CSMD1: variants seen among roughly 807,000 people sequenced by gnomAD.
CSMD1 encodes CUB and sushi domain-containing protein 1.
In CSMD1, 213 loss-of-function variants were observed where a neutral mutation model predicts 417.5. That is an observed-to-expected ratio of 0.51 (90% CI 0.46 to 0.57). The LOEUF is 0.57. Ranked by LOEUF, CSMD1 falls within the 20% of genes least tolerant of loss-of-function variation. CSMD1 has a pLI of 0.00. For synonymous variants in CSMD1, 2,862 were observed against 1,736.8 expected, an observed-to-expected ratio of 1.65 and a Z score of -16.11; for missense variants, 6,923 against 4,529.7, an observed-to-expected ratio of 1.53 and a Z score of -15.17.
chr8:4,551,838 A>G (rs1030064708), intron 2 of CSMD1, among the ~76,000 whole-genome samples: 2 of 149,326 alleles, frequency 1.3e-5, no homozygotes, highest in East Asian at 2.0e-4. Flanking sequence ...GCCACTACAC[A>G]TGGCTAATTT....
intron 8 of CSMD1, among the ~76,000 whole-genome samples, chr8:3,616,083 AG>A (rs1232272538): frequency 6.6e-6 from 1 of 152,200 alleles, no homozygotes; most frequent in African/African-American, 2.4e-5. Context: ...AATAACTATG[AG>A]GAGATAATTA....
intron 3 of CSMD1, among the ~76,000 whole-genome samples, chr8:4,186,470 A>G (rs886773892): frequency 1.7e-4 from 26 of 152,112 alleles, no homozygotes; most frequent in African/African-American, 6.0e-4. Context: ...AAGGATGCTA[A>G]TAAGGAAAAT....
At chr8:3,571,442 G>A (rs752372071) in intron 10 of CSMD1, among the ~76,000 whole-genome samples, 33 of 152,222 alleles carry the variant, frequency 2.2e-4, no homozygotes, top group Non-Finnish European at 3.1e-4. Flanking sequence ...TGAGAATGCA[G>A]TAGAGGCATT....
chr8:4,002,280 T>A (rs1231498269), intron 4 of CSMD1, among the ~76,000 whole-genome samples: 1 of 152,120 alleles, frequency 6.6e-6, no homozygotes, highest in Admixed American at 6.6e-5. Context: ...TGAAAGCACC[T>A]GCTATAGTGC....
chr8:4,960,623 G>A (rs150166835), intron 1 of CSMD1, among the ~76,000 whole-genome samples: 126 of 152,250 alleles, frequency 8.3e-4, no homozygotes, highest in African/African-American at 2.9e-3. Context: ...ATGGGTGCAT[G>A]CATCCATACA....
chr8:3,301,854 C>G (rs1294402289), intron 25 of CSMD1, among the ~76,000 whole-genome samples: 2 of 152,036 alleles, frequency 1.3e-5, no homozygotes, highest in African/African-American at 2.4e-5. Context: ...ACAGGAAAGT[C>G]ATGGGAATTC....
In CSMD1 at chr8:3,000,039, G is replaced by A. The variant is rs369017239; in HGVS notation, c.8122C>T (p.Pro2708Ser). ...GAAGTTCCCACAAGCCGGAAACCAG[G>A]ATTGCACTGGTAAACCACCGTGTCT... ...YRDTVVYQCNPGFRLVGTSVR... is the reference protein window; with the variant it reads ...YRDTVVYQCNSGFRLVGTSVR... The change falls in exon 53 of 70, where the codon CCT (proline) becomes TCT (serine). Residue 2708 changes from proline to serine, a missense_variant. Transcript: ENST00000635120. 1.5e-5 allele frequency: 24 copies of A among 1,605,654 alleles called. No homozygotes were observed. The highest frequency in any genetic ancestry group is 2.0e-5 in the Non-Finnish European group (24 of 1,178,220).
chr8:4,406,341 G>C (rs1805019496), intron 3 of CSMD1, among the ~76,000 whole-genome samples: 1 of 152,026 alleles, frequency 6.6e-6, no homozygotes, highest in African/African-American at 2.4e-5. Flanking sequence ...CACTCAAAAT[G>C]ACAGAATTTA....
intron 5 of CSMD1, among the ~76,000 whole-genome samples, chr8:3,913,060 T>C (rs1261579865): frequency 1.3e-5 from 2 of 152,084 alleles, no homozygotes; most frequent in African/African-American, 4.8e-5. Context: ...CAGGGCAACA[T>C]GGCAGCACTA....
chr8:4,824,646 A>C (rs1298453736), intron 1 of CSMD1, among the ~76,000 whole-genome samples: 1 of 152,166 alleles, frequency 6.6e-6, no homozygotes, highest in Non-Finnish European at 1.5e-5. Flanking sequence ...CACCCAACAG[A>C]AGGAATCTCA....
At chr8:3,688,024 T>C (rs534774372) in intron 7 of CSMD1, among the ~76,000 whole-genome samples, 22 of 152,362 alleles carry the variant, frequency 1.4e-4, no homozygotes, top group African/African-American at 5.3e-4. Flanking sequence ...ATTTTCAGCG[T>C]GACCGAAATG....
At chr8:3,558,881 G>A (rs371371775) in intron 10 of CSMD1, among the ~76,000 whole-genome samples, 1 of 152,130 alleles carries the variant, frequency 6.6e-6, no homozygotes, top group Non-Finnish European at 1.5e-5. Context: ...CCGCCCTGTA[G>A]TTGCTCAAGG....
intron 1 of CSMD1, among the ~76,000 whole-genome samples, chr8:4,752,988 G>A (rs6558909): frequency 0.44 from 67,320 of 152,016 alleles, 15,579 homozygotes; most frequent in East Asian, 0.62. Flanking sequence ...TACAATTATG[G>A]ATGGTTTGGT....
intron 3 of CSMD1, among the ~76,000 whole-genome samples, chr8:4,170,222 T>G (rs1022757303): frequency 2.6e-5 from 4 of 151,870 alleles, no homozygotes; most frequent in Non-Finnish European, 4.4e-5. Context: ...AGCTGTTATC[T>G]CTTCTCTTTC....
intron 3 of CSMD1, among the ~76,000 whole-genome samples, chr8:4,139,967 T>A (rs941946775): frequency 3.8e-5 from 5 of 132,830 alleles, no homozygotes; most frequent in African/African-American, 1.0e-4. Flanking sequence ...GGTGAAACTA[T>A]GTTTATGTGG....
intron 21 of CSMD1, among the ~76,000 whole-genome samples, chr8:3,348,409 C>G (rs1188092291): frequency 6.6e-6 from 1 of 152,162 alleles, no homozygotes; most frequent in Non-Finnish European, 1.5e-5. Flanking sequence ...GTGGAAGCAG[C>G]ATGCTATCAT....
chr8:3,841,682 T>C (rs1803145152), intron 5 of CSMD1, among the ~76,000 whole-genome samples: 1 of 152,158 alleles, frequency 6.6e-6, no homozygotes, highest in South Asian at 2.1e-4. Flanking sequence ...ATGATTCTAA[T>C]TTTAGAACCT....
At chr8:3,523,507 G>A (rs910329740) in intron 10 of CSMD1, among the ~76,000 whole-genome samples, 54 of 152,120 alleles carry the variant, frequency 3.5e-4, no homozygotes, top group African/African-American at 1.3e-3. Context: ...GCAGAAAGGT[G>A]ATCTGACGTG....
chr8:4,390,528 T>TATTTATTTATTTATTTATTTATTG (rs71534398), intron 3 of CSMD1, among the ~76,000 whole-genome samples: 4 of 150,890 alleles, frequency 2.7e-5, no homozygotes, highest in African/African-American at 4.9e-5. Flanking sequence ...TTTATTTATT[T>TATTTATTTATTTATTTATTTATTG]TTTGAGATGG....
Sources: gnomAD v4.1 joint callset for allele counts (sites outside exome capture counted in the v4.1 genomes callset) on GRCh38, gnomAD v4.1.1 for gene constraint, MANE v1.5 for transcripts, NCBI Gene and HGNC (gene_info 2026-07-23, HGNC 2026-07-21) for gene names.